TNN: variants seen among roughly 807,000 people sequenced by gnomAD.
The protein encoded by TNN is tenascin N.
Under a neutral mutation model 134.4 loss-of-function variants are expected in TNN, and 122 were observed. The ratio of observed to expected loss-of-function variants is 0.91; its 90% confidence interval spans 0.78 to 1.06. The LOEUF (loss-of-function observed/expected upper bound fraction) is 1.06, where lower values mean the gene tolerates loss of function less well. Among genes scored for constraint, TNN ranks in the 50% least tolerant of loss-of-function variants. The pLI is 0.00. For missense variants in TNN, 1,739 were observed against 1,699.4 expected, an observed-to-expected ratio of 1.02 and a Z score of -0.41; for synonymous variants, 710 against 670.3, an observed-to-expected ratio of 1.06 and a Z score of -0.91.
At chr1:175,130,198 G>C (rs893197322) in intron 15 of TNN, among the ~76,000 whole-genome samples, 24 of 152,186 alleles carry the variant, frequency 1.6e-4, no homozygotes, top group Non-Finnish European at 7.3e-5. Context: ...GAAAGAGAGA[G>C]CATGATCTCA....
chr1:175,118,564 T>C lies in TNN; in HGVS notation c.2390T>C (p.Ile797Thr). ...KKADTKAQTD[I>T]DSPQNLVTDW... ...TGGTCAGCATTTTTTTTTTCAGACA[T>C]TGACAGCCCCCAAAACCTGGTCACT... is the stretch of plus-strand genomic sequence containing the variant. Residue 797 changes from isoleucine to threonine, a missense_variant, in exon 11 of 19, where the codon ATT becomes ACT. By Grantham distance (89) the Ile-to-Thr change is moderately conservative. Transcript: ENST00000239462. The C allele has an allele frequency of 1.2e-6, 2 of 1,613,342 alleles. No individual in the cohort carries two copies. Among genetic ancestry groups the C allele is most frequent in the African/African-American group, 1.3e-5 (1 of 74,938 alleles).
At chr1:175,129,913 A>G (rs546278763) in intron 15 of TNN, among the ~76,000 whole-genome samples, 3 of 152,354 alleles carry the variant, frequency 2.0e-5, no homozygotes, top group Non-Finnish European at 2.9e-5. Flanking sequence ...TGGAAAGACT[A>G]AAGTCTGAAA....
intron 6 of TNN, among the ~76,000 whole-genome samples, chr1:175,089,729 A>C (rs766143371): frequency 6.6e-6 from 1 of 152,226 alleles, no homozygotes; most frequent in Non-Finnish European, 1.5e-5. Flanking sequence ...ATAATTTCAC[A>C]AGCTCCCATG....
chr1:175,079,500 G>T lies in TNN; in HGVS notation c.577G>T (p.Val193Leu), dbSNP rs372161726. 96 of 1,562,414 alleles carry T rather than the reference G, an allele frequency of 6.1e-5. 1 individual carries two copies. In the African/African-American group the frequency reaches 1.2e-3, roughly 20 times the overall value. Residue 193 changes from valine to leucine, a missense_variant, in exon 3 of 19, where the codon GTG (valine) becomes TTG (leucine). Coordinates refer to ENST00000239462, the MANE Select transcript of TNN (RefSeq NM_022093.2). ...DGRCLCHEPY[V>L]GADCGYPACP... is the part of the protein sequence containing the mutation. Reference sequence around the variant, plus strand: ...GCGCTGCCTGTGCCATGAGCCCTACGTGGGTGCCGACTGCGGCTACCCGGC... The same window carrying T: ...GCGCTGCCTGTGCCATGAGCCCTACTTGGGTGCCGACTGCGGCTACCCGGC...
chr1:175,093,201 T>C (rs1257044017), intron 6 of TNN, among the ~76,000 whole-genome samples: 1 of 152,224 alleles, frequency 6.6e-6, no homozygotes, highest in African/African-American at 2.4e-5. Flanking sequence ...TCTGTCTAGA[T>C]GCACTGGCCT....
rs1674059779 is a variant in TNN, at chr1:175,077,133, G to T, written c.-35-251G>T. On this transcript the variant is annotated intron_variant, in intron 1 of 18. Coordinates refer to ENST00000239462, the MANE Select transcript of TNN (RefSeq NM_022093.2). The stretch of plus-strand genomic sequence containing the variant: ...CTCTTCTTATTATTAATAAGTGCAG[G>T]TGAGCCTAGAATGAGAGGTGAAGAG... Among the ~76,000 whole-genome samples, 2 of 152,158 alleles carry T rather than the reference G, an allele frequency of 1.3e-5. 1 individual carries two copies. Among genetic ancestry groups the T allele is most frequent in the Admixed American group, 1.3e-4 (2 of 15,270 alleles).
At chr1:175,127,951 C>G in intron 13 of TNN, 81 bp from the exon 14 acceptor site, 1 of 1,534,182 alleles carries the variant, frequency 6.5e-7, no homozygotes, top group Non-Finnish European at 9.0e-7. Context: ...TCATTAGCAC[C>G]AGGGAACGCT....
At chr1:175,112,380 A>C (rs1047762789) in intron 9 of TNN, among the ~76,000 whole-genome samples, 2 of 152,002 alleles carry the variant, frequency 1.3e-5, no homozygotes, top group Admixed American at 6.6e-5. Context: ...TCTTTACATA[A>C]TAACCTCCTT....
chr1:175,122,982 T>C (rs1675414909), intron 11 of TNN, among the ~76,000 whole-genome samples: 1 of 152,208 alleles, frequency 6.6e-6, no homozygotes, highest in South Asian at 2.1e-4. Context: ...TCCATTTCCC[T>C]GGGCCTCCAT....
intron 7 of TNN, among the ~76,000 whole-genome samples, chr1:175,095,398 G>T (rs767127315): frequency 1.8e-4 from 27 of 152,264 alleles, no homozygotes; most frequent in Admixed American, 1.4e-3. Flanking sequence ...TGTGTAAATG[G>T]ACTGGTGTGA....
rs762294211 is a variant in TNN, at chr1:175,079,616, G to A, written c.693G>A (p.Lys231=). 1 of 1,601,546 alleles carries A rather than the reference G, an allele frequency of 6.2e-7. No individual in the cohort carries two copies. Among genetic ancestry groups the A allele is most frequent in the Non-Finnish European group, 8.5e-7 (1 of 1,175,288 alleles). The change falls in exon 3 of 19, where the codon AAG becomes AAA. Residue 231 remains lysine (K), a synonymous_variant. Transcript: ENST00000239462. ...TCATGTCGGAGGACTGCAGCGAGAA[G>A]CGCTGTCCCGGCGACTGCAGCGGCC... The part of the protein sequence containing the change: ...EDFMSEDCSE[K]RCPGDCSGHG...
At chr1:175,098,685 C>A in intron 9 of TNN, 90 bp downstream of exon 9, 1 of 1,571,306 alleles carries the variant, frequency 6.4e-7, no homozygotes. Context: ...TAAAGGGGGA[C>A]TTTATGGAAG....
At chr1:175,098,000 C>T (rs1396048671) in intron 8 of TNN, among the ~76,000 whole-genome samples, 1 of 152,120 alleles carries the variant, frequency 6.6e-6, no homozygotes, top group African/African-American at 2.4e-5. Flanking sequence ...AGTGAAGTAG[C>T]CCTTGATAAA....
chr1:175,110,136 G>A (rs1281722512), intron 9 of TNN, among the ~76,000 whole-genome samples: 1 of 152,152 alleles, frequency 6.6e-6, no homozygotes, highest in Non-Finnish European at 1.5e-5. Context: ...GTAAATGTTT[G>A]TTGGTCATTT....
Position 175,128,131 on chromosome 1 carries a change from C to T in TNN, c.3145C>T (p.Arg1049Trp), listed in dbSNP as rs185768691. 26 of 1,611,682 alleles carry T rather than the reference C, an allele frequency of 1.6e-5. No individual in the cohort carries two copies. The East Asian group carries it at 2.2e-4, about 14-fold the overall frequency. The change falls in exon 14 of 19, where the codon CGG (arginine) becomes TGG (tryptophan). Residue 1049 changes from arginine to tryptophan, a missense_variant. Arg to Trp is a moderately radical substitution (Grantham distance 101). Coordinates refer to ENST00000239462, the MANE Select transcript of TNN (RefSeq NM_022093.2). ...VSLVAFKGGR[R>W]SRNVSTTLST... is the part of the protein sequence containing the mutation. ...CCTTGTTGCCTTTAAGGGTGGTCGC[C>T]GGAGCAGAAATGTATCCACCACCCT...
At chr1:175,092,482 GT>G (rs1674475843) in intron 6 of TNN, among the ~76,000 whole-genome samples, 1 of 152,162 alleles carries the variant, frequency 6.6e-6, no homozygotes, top group Non-Finnish European at 1.5e-5. Flanking sequence ...TCTCTCTCTA[GT>G]TACTGTCTAT....
intron 17 of TNN, among the ~76,000 whole-genome samples, chr1:175,143,664 G>A (rs1295689170): frequency 6.6e-6 from 1 of 152,166 alleles, no homozygotes; most frequent in Non-Finnish European, 1.5e-5. Context: ...AAGGTGGGCT[G>A]GTCCACAGTG....
chr1:175,080,593 C>G (rs1162577024), intron 4 of TNN, among the ~76,000 whole-genome samples, 167 bp downstream of exon 4: 1 of 152,128 alleles, frequency 6.6e-6, no homozygotes, highest in South Asian at 2.1e-4. Flanking sequence ...TTTCCTTGCT[C>G]CCTGATTACT....
rs762241674 is a variant in TNN, at chr1:175,144,454, C to G, written c.3663C>G (p.Leu1221=). ...TTGACAGAGACAATGATATCGCACT[C>G]AGCAACTGTGCCCTGACACATCATG... The part of the protein sequence containing the change: ...TTFDRDNDIA[L]SNCALTHHGG... The change falls in exon 18 of 19, where the codon CTC becomes CTG. Residue 1221 remains leucine (L), a synonymous_variant. Transcript: ENST00000239462. 5.6e-5 allele frequency: 91 copies of G among 1,614,220 alleles called. 1 individual carries two copies. The South Asian group carries it at 9.6e-4, about 17-fold the overall frequency.
Sources: gnomAD v4.1 joint callset for allele counts (sites outside exome capture counted in the v4.1 genomes callset) on GRCh38, gnomAD v4.1.1 for gene constraint, MANE v1.5 for transcripts, NCBI Gene and HGNC (gene_info 2026-07-23, HGNC 2026-07-21) for gene names.